The following ARL13A variants were observed in gnomAD, a reference collection of about 807,000 sequenced individuals.
ARL13A encodes the protein ARF like GTPase 13A.
A neutral mutation model predicts 19.1 loss-of-function variants in ARL13A; 16 were observed. The observed-to-expected ratio is 0.84, with a 90% CI of 0.57 to 1.27. The LOEUF (loss-of-function observed/expected upper bound fraction) is 1.27. Ranked by LOEUF, ARL13A falls within the 50% of genes most tolerant of loss-of-function variation. ARL13A has a pLI of 0.00. For missense variants in ARL13A, 153 were observed against 186.4 expected (o/e 0.82, Z 1.04); for synonymous variants, 69 against 71.3 (o/e 0.97, Z 0.17).
chrX:100,972,459 A>G (rs1415903269), intron 1 of ARL13A, among the ~76,000 whole-genome samples: 33 of 90,726 alleles, frequency 3.6e-4, no homozygotes, highest in African/African-American at 5.5e-4. Context: ...CTCACCTCCC[A>G]GACGGGGCGG....
At chrX:100,972,384 C>T (rs112813739) in intron 1 of ARL13A, among the ~76,000 whole-genome samples, 8 of 93,321 alleles carry the variant, frequency 8.6e-5, no homozygotes, top group East Asian at 3.8e-4. Context: ...CCCTCCCGGA[C>T]GGGGCGGCTG....
Position 100,985,546 on chromosome X carries a change from C to T in ARL13A, c.131-121C>T. ...GTGATTGCTTTTCCTCTCTTCCCCTCTGCATAGTACTTCCCAGCAGGATAG... is the reference window on the plus strand; with the variant it reads ...GTGATTGCTTTTCCTCTCTTCCCCTTTGCATAGTACTTCCCAGCAGGATAG... On this transcript the variant is annotated intron_variant, in intron 3 of 7. Coordinates refer to ENST00000450049, the MANE Select transcript of ARL13A (RefSeq NM_001162491.2). 4.8e-6 allele frequency: 4 copies of T among 830,364 alleles called. No individual in the cohort carries two copies. The South Asian group carries it at 8.6e-5, about 18-fold the overall frequency. 68.4% of individuals were successfully genotyped at this position (830,364 alleles called of 1,213,427 possible).
Position 100,974,115 on chromosome X carries a change from T to C in ARL13A, c.60-12T>C. On this transcript the variant is annotated splice_polypyrimidine_tract_variant and intron_variant, in intron 2 of 7. Transcript: ENST00000450049. Reference sequence around the variant, plus strand: ...TTAAGACTTTGGGCTCATTTTTCTTTTTCATTTCTAGGAATGTGACCATCC... The same window carrying C: ...TTAAGACTTTGGGCTCATTTTTCTTCTTCATTTCTAGGAATGTGACCATCC... 13 of 1,176,741 alleles carry C rather than the reference T, an allele frequency of 1.1e-5. No homozygotes were observed. Among genetic ancestry groups the C allele is most frequent in the South Asian group, 3.8e-5 (2 of 53,322 alleles).
In ARL13A at chrX:100,987,545, C is replaced by G. The variant is rs777139794; in HGVS notation, c.642C>G (p.Cys214Trp). The part of the protein sequence containing the change: ...SKNNTGSGER[C>W]SSHSFSTRTG... The stretch of plus-strand genomic sequence containing the variant: ...ATAACACAGGCTCTGGAGAAAGATG[C>G]TCATCACACAGGTACTGAGATGCCG... The change falls in exon 6 of 8, where the codon TGC (cysteine) becomes TGG (tryptophan). Residue 214 changes from cysteine (C) to tryptophan (W), a missense_variant. Coordinates refer to ENST00000450049, the MANE Select transcript of ARL13A (RefSeq NM_001162491.2). The G allele has an allele frequency of 5.0e-6, 6 of 1,210,545 alleles. No homozygotes were observed. In the South Asian group the frequency reaches 8.8e-5, roughly 18 times the overall value.
At chrX:100,983,299 A>T (rs924850269) in intron 3 of ARL13A, among the ~76,000 whole-genome samples, 10 of 111,513 alleles carry the variant, frequency 9.0e-5, no homozygotes, top group Non-Finnish European at 1.3e-4. Context: ...GGGCAAAAAA[A>T]ATATATAAAG....
intron 3 of ARL13A, among the ~76,000 whole-genome samples, chrX:100,984,295 T>G (rs2085906835): frequency 9.1e-6 from 1 of 109,828 alleles, no homozygotes; most frequent in South Asian, 3.9e-4. Flanking sequence ...TTTTTTGTTT[T>G]TTTTTTTCTT....
intron 3 of ARL13A, among the ~76,000 whole-genome samples, chrX:100,984,690 G>A (rs906369782): frequency 6.3e-5 from 7 of 111,857 alleles, no homozygotes; most frequent in Non-Finnish European, 9.4e-5. Flanking sequence ...GTTTTAGTTG[G>A]AGAGACAAAG....
At position 100,990,680 on chromosome X, in the gene ARL13A, T is replaced by C. The variant is rs1418397429; in HGVS notation, c.*92T>C. On this transcript the variant is annotated 3_prime_UTR_variant, in exon 8 of 8. Transcript: ENST00000450049. ...ACTTTACATCTTTGTACCGAGATGC[T>C]GCTGACAAAGCTTGTGGACAATAAG... The C allele has an allele frequency of 7.4e-6, 7 of 940,568 alleles. No homozygotes were observed. Among genetic ancestry groups the C allele is most frequent in the Non-Finnish European group, 8.9e-6 (6 of 672,635 alleles). 77.5% of individuals were successfully genotyped at this position (940,568 alleles called of 1,213,427 possible).
intron 3 of ARL13A, among the ~76,000 whole-genome samples, chrX:100,975,594 G>A (rs951652094): frequency 9.2e-6 from 1 of 108,843 alleles, no homozygotes; most frequent in African/African-American, 3.4e-5. Flanking sequence ...CCCCCATTCC[G>A]CCATTCACCT....
At chrX:100,972,530 CG>C (rs1233494190) in intron 1 of ARL13A, among the ~76,000 whole-genome samples, 1 of 77,852 alleles carries the variant, frequency 1.3e-5, no homozygotes, top group Non-Finnish European at 2.5e-5. Flanking sequence ...GCTGGCCGGG[CG>C]GGGGACTGAC....
intron 7 of ARL13A, chrX:100,990,311 C>A: frequency 1.1e-6 from 1 of 883,474 alleles, no homozygotes; most frequent in Non-Finnish European, 1.4e-6. Flanking sequence ...AATAACTGAC[C>A]TTTTTCTCTT....
chrX:100,984,259 G>A (rs1428750172), intron 3 of ARL13A, among the ~76,000 whole-genome samples: 2 of 109,689 alleles, frequency 1.8e-5, no homozygotes, highest in East Asian at 2.8e-4. Flanking sequence ...GATTACAGGC[G>A]TGTGCCACCG....
intron 3 of ARL13A, among the ~76,000 whole-genome samples, chrX:100,974,621 A>T (rs2085732902): frequency 8.9e-6 from 1 of 111,800 alleles, no homozygotes; most frequent in South Asian, 3.7e-4. Context: ...CAAGTGTGGG[A>T]TGATAAAGAA....
Position 100,988,267 on chromosome X carries a change from T to A in ARL13A, c.728T>A (p.Leu243Gln). The A allele has an allele frequency of 8.3e-7, 1 of 1,209,414 alleles. No individual in the cohort carries two copies. The change falls in exon 7 of 8, where the codon CTA becomes CAA. Residue 243 changes from leucine to glutamine, a missense_variant. By Grantham distance (113) the Leu-to-Gln change is moderately radical. Coordinates refer to ENST00000450049, the MANE Select transcript of ARL13A (RefSeq NM_001162491.2). The part of the protein sequence containing the change: ...LEQCSIEAKP[L>Q]KSILQPSNQS... Reference sequence around the variant, plus strand: ...CAATGCTCAATCGAAGCTAAGCCTCTAAAGTCAATCCTACAGGTAAATGGC... The same window carrying A: ...CAATGCTCAATCGAAGCTAAGCCTCAAAAGTCAATCCTACAGGTAAATGGC...
chrX:100,986,736 T>C (rs1346661522), intron 4 of ARL13A, 60 bp from the exon 5 acceptor site: 1 of 755,083 alleles, frequency 1.3e-6, no homozygotes, highest in Non-Finnish European at 1.9e-6. Flanking sequence ...TCTCGCCTTT[T>C]GCTTCTGTTT....
intron 3 of ARL13A, among the ~76,000 whole-genome samples, chrX:100,981,398 C>T (rs748958385): frequency 7.6e-4 from 85 of 111,237 alleles, no homozygotes; most frequent in Non-Finnish European, 1.4e-3. Context: ...CTCTCTCTTT[C>T]AAGCACAGAT....
chrX:100,972,519 G>C (rs1453579608), intron 1 of ARL13A, among the ~76,000 whole-genome samples: 6 of 84,934 alleles, frequency 7.1e-5, no homozygotes, highest in Non-Finnish European at 1.4e-4. Context: ...CGGACGGGGC[G>C]GCTGGCCGGG....
chrX:100,983,982 T>C (rs889309341), intron 3 of ARL13A, among the ~76,000 whole-genome samples: 3 of 111,773 alleles, frequency 2.7e-5, no homozygotes, highest in African/African-American at 9.7e-5. Flanking sequence ...TGCTCCCAGG[T>C]ATGGGTGCAG....
intron 3 of ARL13A, among the ~76,000 whole-genome samples, chrX:100,983,415 G>A (rs967706980): frequency 5.4e-5 from 6 of 110,142 alleles, no homozygotes; most frequent in Non-Finnish European, 1.1e-4. Flanking sequence ...GAAGTGCAAT[G>A]GTGAGACCTC....
Sources: gnomAD v4.1 joint callset for allele counts (sites outside exome capture counted in the v4.1 genomes callset) on GRCh38, gnomAD v4.1.1 for gene constraint, MANE v1.5 for transcripts, NCBI Gene and HGNC (gene_info 2026-07-23, HGNC 2026-07-21) for gene names.